CDH18: variants seen among roughly 807,000 people sequenced by gnomAD.
The protein encoded by CDH18 is cadherin 18, also known as cadherin-18.
A neutral mutation model predicts 67.9 loss-of-function variants in CDH18; 31 were observed. That is an observed-to-expected ratio of 0.46 (90% CI 0.34 to 0.62). The LOEUF is 0.62. Among genes scored for constraint, CDH18 ranks in the 20% least tolerant of loss-of-function variants. The pLI is 0.01. For synonymous variants in CDH18, 362 were observed against 347.2 expected, an observed-to-expected ratio of 1.04 and a Z score of -0.48; for missense variants, 890 against 975.5, an observed-to-expected ratio of 0.91 and a Z score of 1.17.
chr5:19,832,543 C>CT (rs1781171288), intron 3 of CDH18, among the ~76,000 whole-genome samples: 1 of 151,776 alleles, frequency 6.6e-6, no homozygotes. Context: ...AATAATTCTA[C>CT]TTTTTATACA....
At chr5:20,170,451 A>G (rs1409167437) in intron 2 of CDH18, among the ~76,000 whole-genome samples, 2 of 152,066 alleles carry the variant, frequency 1.3e-5, no homozygotes, top group African/African-American at 2.4e-5. Context: ...ACAATCAACT[A>G]TATCTTGGTA....
At chr5:20,485,997 A>G (rs190893156) in intron 1 of CDH18, among the ~76,000 whole-genome samples, 2 of 152,306 alleles carry the variant, frequency 1.3e-5, no homozygotes, top group East Asian at 3.9e-4. Context: ...ACTGAAACTA[A>G]CAGATAAAGA....
intron 1 of CDH18, among the ~76,000 whole-genome samples, chr5:20,439,505 CTG>C (rs933449137): frequency 6.6e-6 from 1 of 151,478 alleles, no homozygotes; most frequent in Non-Finnish European, 1.5e-5. Flanking sequence ...GTGCAATACA[CTG>C]TTATTGTCAG....
intron 2 of CDH18, among the ~76,000 whole-genome samples, chr5:20,203,822 CAAT>C (rs1739657105): frequency 6.6e-6 from 1 of 151,740 alleles, no homozygotes; most frequent in Non-Finnish European, 1.5e-5. Flanking sequence ...GTGTTCTGAC[CAAT>C]AATTTAAAAT....
At chr5:19,988,414 C>T (rs1375019109), upstream of CDH18, among the ~76,000 whole-genome samples, 1 of 151,912 alleles carries the variant, frequency 6.6e-6, no homozygotes, top group Non-Finnish European at 1.5e-5. Flanking sequence ...TGGGGCTGCA[C>T]AAATTCCACA....
At chr5:19,913,575 T>C (rs1428066310) in intron 2 of CDH18, among the ~76,000 whole-genome samples, 2 of 152,088 alleles carry the variant, frequency 1.3e-5, no homozygotes, top group Admixed American at 6.6e-5. Flanking sequence ...TAGGTATGTG[T>C]TCATGGCAGT....
chr5:20,182,326 C>A (rs1467021), intron 2 of CDH18, among the ~76,000 whole-genome samples: 6 of 151,690 alleles, frequency 4.0e-5, no homozygotes, highest in African/African-American at 1.2e-4. Context: ...TCCTCAGCCG[C>A]GTGCAATGGC....
At chr5:20,282,358 A>G (rs1206652841) in intron 1 of CDH18, among the ~76,000 whole-genome samples, 1 of 152,076 alleles carries the variant, frequency 6.6e-6, no homozygotes, top group Admixed American at 6.6e-5. Context: ...GTTTGTCATA[A>G]ATAGCTCTTA....
intron 2 of CDH18, among the ~76,000 whole-genome samples, chr5:20,076,335 T>C (rs1345997617): frequency 1.3e-5 from 2 of 152,114 alleles, no homozygotes; most frequent in East Asian, 3.9e-4. Flanking sequence ...TTTCAGATGA[T>C]TGACCTTGAA....
chr5:20,082,446 A>AT (rs1356613875), intron 2 of CDH18, among the ~76,000 whole-genome samples: 1 of 152,082 alleles, frequency 6.6e-6, no homozygotes, highest in African/African-American at 2.4e-5. Flanking sequence ...CTAATGTACT[A>AT]TTTTTTTCTA....
rs1024965099 is a variant in CDH18 at position 19,902,401 on chromosome 5, G to C, written c.-256-63159C>G. Among the ~76,000 whole-genome samples, 4 of 152,100 alleles carry C rather than the reference G, an allele frequency of 2.6e-5. No homozygotes were observed. The South Asian group carries it at 8.3e-4, about 32-fold the overall frequency. On this transcript the variant is annotated intron_variant, in intron 2 of 12. Transcript: ENST00000382275. ...TTTCTCCCTCCCTCCCTCTTGAAAT[G>C]GCTTATTCCCAGGAAAGCCAGCTGC...
intron 2 of CDH18, among the ~76,000 whole-genome samples, chr5:19,963,244 C>T (rs1797091081): frequency 6.6e-6 from 1 of 152,114 alleles, no homozygotes; most frequent in Non-Finnish European, 1.5e-5. Context: ...GTTTTCATTC[C>T]TATCCAACTT....
intron 2 of CDH18, among the ~76,000 whole-genome samples, chr5:19,910,058 T>C (rs72740870): frequency 0.1 from 15,291 of 152,212 alleles, 863 homozygotes; most frequent in East Asian, 0.22. Flanking sequence ...CTTCTGTTAA[T>C]GTTATCAGTT....
chr5:20,052,723 T>A (rs376064253), intron 2 of CDH18, among the ~76,000 whole-genome samples: 5 of 152,206 alleles, frequency 3.3e-5, no homozygotes, highest in Admixed American at 1.3e-4. Context: ...ATTTGGTAGG[T>A]ATAAAATTCA....
At chr5:19,918,591 T>C (rs184209842) in intron 2 of CDH18, among the ~76,000 whole-genome samples, 8 of 152,308 alleles carry the variant, frequency 5.3e-5, no homozygotes, top group African/African-American at 1.9e-4. Context: ...ATAGTGGCAC[T>C]ATGTCCTTCA....
chr5:19,497,368 C>T (rs1396620290), intron 11 of CDH18, among the ~76,000 whole-genome samples: 2 of 152,164 alleles, frequency 1.3e-5, no homozygotes, highest in Non-Finnish European at 2.9e-5. Context: ...CTGTTGCTTC[C>T]TTAAGCAGTT....
chr5:20,490,180 AC>A (rs1484543432), intron 1 of CDH18, among the ~76,000 whole-genome samples: 1 of 152,004 alleles, frequency 6.6e-6, no homozygotes, highest in Admixed American at 6.6e-5. Context: ...TTGTACTCCC[AC>A]CATGCATTCG....
At chr5:19,980,460 G>A (rs1236962518) in intron 2 of CDH18, among the ~76,000 whole-genome samples, 1 of 151,918 alleles carries the variant, frequency 6.6e-6, no homozygotes, top group African/African-American at 2.4e-5. Context: ...AATATATATT[G>A]AATATGTGTT....
intron 3 of CDH18, among the ~76,000 whole-genome samples, chr5:19,819,682 C>A (rs1230251915): frequency 6.6e-6 from 1 of 152,104 alleles, no homozygotes; most frequent in Non-Finnish European, 1.5e-5. Context: ...CAGAGGCTTG[C>A]ACAGAGCCCA....
Sources: gnomAD v4.1 joint callset for allele counts (sites outside exome capture counted in the v4.1 genomes callset) on GRCh38, gnomAD v4.1.1 for gene constraint, MANE v1.5 for transcripts, NCBI Gene and HGNC (gene_info 2026-07-23, HGNC 2026-07-21) for gene names.